CPQ: variants seen among roughly 807,000 people sequenced by gnomAD.
CPQ encodes the protein carboxypeptidase Q, also known as Ser-Met dipeptidase.
Under a neutral mutation model 45.7 loss-of-function variants are expected in CPQ, and 37 were observed. That is an observed-to-expected ratio of 0.81 (90% confidence interval 0.62 to 1.07). The LOEUF is 1.07. CPQ is among the 50% of genes least tolerant of loss of function. CPQ has a pLI of 0.00. For synonymous variants in CPQ, 186 were observed against 205.8 expected, an observed-to-expected ratio of 0.90 and a Z score of 0.82; for missense variants, 537 against 572.9, an observed-to-expected ratio of 0.94 and a Z score of 0.64.
intron 5 of CPQ, among the ~76,000 whole-genome samples, chr8:97,008,986 T>C (rs972259309): frequency 2.0e-5 from 3 of 152,264 alleles, no homozygotes; most frequent in African/African-American, 7.2e-5. Context: ...ACATAATTGT[T>C]TCTTCACTTG....
chr8:96,740,573 C>T (rs1416890286), intron 1 of CPQ, among the ~76,000 whole-genome samples: 15 of 151,426 alleles, frequency 9.9e-5, no homozygotes, highest in Admixed American at 2.6e-4. Flanking sequence ...AGTTTTTGCC[C>T]ATTCAGTATG....
chr8:96,932,613 C>T (rs969098543), intron 4 of CPQ, among the ~76,000 whole-genome samples: 2 of 152,168 alleles, frequency 1.3e-5, no homozygotes, highest in Non-Finnish European at 2.9e-5. Context: ...CCTTTCCAGT[C>T]ATCGTGAATT....
At chr8:96,768,995 T>C (rs901949953) in intron 1 of CPQ, among the ~76,000 whole-genome samples, 3 of 152,184 alleles carry the variant, frequency 2.0e-5, no homozygotes, top group African/African-American at 7.2e-5. Context: ...CTGTAACCCA[T>C]TATTGCTGCA....
chr8:96,903,962 G>A (rs879925123), intron 4 of CPQ, among the ~76,000 whole-genome samples: 4 of 152,130 alleles, frequency 2.6e-5, no homozygotes, highest in Non-Finnish European at 4.4e-5. Flanking sequence ...TTTCCTAGGT[G>A]CCACACTGTT....
chr8:96,841,035 A>G (rs748375938), intron 3 of CPQ, among the ~76,000 whole-genome samples: 2 of 151,842 alleles, frequency 1.3e-5, no homozygotes, highest in Non-Finnish European at 2.9e-5. Context: ...CTCTTTTTTT[A>G]TATACTTTAT....
chr8:96,663,793 C>T (rs914360972), intron 1 of CPQ, among the ~76,000 whole-genome samples: 21 of 151,762 alleles, frequency 1.4e-4, no homozygotes, highest in Admixed American at 3.9e-4. Flanking sequence ...TCTCTGTTGA[C>T]AGAAATGCTC....
rs189850349 is a variant in CPQ at position 97,068,143 on chromosome 8, T to G, written c.1255+1933T>G. Among the ~76,000 whole-genome samples the G allele has an allele frequency of 1.9e-3, 283 of 152,336 alleles. 1 individual carries two copies. Among genetic ancestry groups the G allele is most frequent in the South Asian group, 4.1e-3 (20 of 4,832 alleles). ...TTTTGTTGTGTTTGATCATTGAGAC[T>G]TGGCTCTAGCTTTTTTCCTTCACAT... On this transcript the variant is annotated intron_variant, in intron 7 of 7. Transcript: ENST00000220763.
At chr8:96,964,383 T>G (rs1258300822) in intron 4 of CPQ, among the ~76,000 whole-genome samples, 1 of 152,200 alleles carries the variant, frequency 6.6e-6, no homozygotes, top group Non-Finnish European at 1.5e-5. Context: ...GCATATTTTG[T>G]CTTTTTCATT....
At chr8:96,650,867 A>G (rs1049808484) in intron 1 of CPQ, among the ~76,000 whole-genome samples, 12 of 152,340 alleles carry the variant, frequency 7.9e-5, no homozygotes, top group South Asian at 6.2e-4. Context: ...GGGAGTCCAC[A>G]ATATCCAAAG....
chr8:96,908,031 G>A (rs1417532573), intron 4 of CPQ, among the ~76,000 whole-genome samples: 1 of 151,794 alleles, frequency 6.6e-6, no homozygotes, highest in Non-Finnish European at 1.5e-5. Flanking sequence ...CATTTTTACT[G>A]ATGGTTCCCA....
chr8:96,889,136 G>A (rs540679320), intron 4 of CPQ, among the ~76,000 whole-genome samples: 3 of 152,314 alleles, frequency 2.0e-5, no homozygotes, highest in Non-Finnish European at 4.4e-5. Context: ...GAAGGGCCAG[G>A]GCTTTGTCCT....
intron 1 of CPQ, among the ~76,000 whole-genome samples, chr8:96,746,104 C>T (rs1331024383): frequency 2.6e-5 from 4 of 152,122 alleles, no homozygotes; most frequent in Non-Finnish European, 5.9e-5. Context: ...GTGATGTGTA[C>T]AGGTGGGGAC....
At chr8:97,139,748 A>C (rs1440540328) in intron 7 of CPQ, among the ~76,000 whole-genome samples, 1 of 152,138 alleles carries the variant, frequency 6.6e-6, no homozygotes, top group African/African-American at 2.4e-5. Flanking sequence ...TATTGAGGGA[A>C]GATTATAGCC....
chr8:97,130,709 G>A (rs1811939703), intron 7 of CPQ, among the ~76,000 whole-genome samples: 1 of 152,072 alleles, frequency 6.6e-6, no homozygotes, highest in Non-Finnish European at 1.5e-5. Flanking sequence ...GCAATTAGTG[G>A]ATATTCCTTG....
At chr8:96,816,873 A>G (rs1184858992) in intron 2 of CPQ, among the ~76,000 whole-genome samples, 3 of 152,140 alleles carry the variant, frequency 2.0e-5, no homozygotes, top group African/African-American at 7.2e-5. Flanking sequence ...CATACTGTTT[A>G]ATAAACCATA....
rs1476573295 is a variant in CPQ at position 96,800,553 on chromosome 8, T to C, written c.433+15223T>C. 3.3e-5 allele frequency among the ~76,000 whole-genome samples: 5 copies of C among 152,302 alleles called. No homozygotes were observed. The East Asian group carries it at 9.7e-4, about 29-fold the overall frequency. On this transcript the variant is annotated intron_variant, in intron 2 of 7. Transcript: ENST00000220763. ...AGGATGATTATTATAGCAGTATTTA[T>C]GGGGGCAAGATCTATGTGGGAGAGT...
chr8:97,000,709 C>T (rs960415813), intron 5 of CPQ, among the ~76,000 whole-genome samples: 1 of 152,062 alleles, frequency 6.6e-6, no homozygotes, highest in Admixed American at 6.6e-5. Context: ...TTAGGATTGC[C>T]TTGGCTATTT....
intron 7 of CPQ, among the ~76,000 whole-genome samples, chr8:97,074,368 A>G (rs1181423953): frequency 6.6e-6 from 1 of 152,256 alleles, no homozygotes; most frequent in African/African-American, 2.4e-5. Context: ...TTTTTGGTAT[A>G]GTACCAAGAT....
chr8:96,829,480 G>C lies in CPQ; in HGVS notation c.434-5493G>C, dbSNP rs138201574. Among the ~76,000 whole-genome samples, 467 of 152,170 alleles carry C rather than the reference G, an allele frequency of 3.1e-3. 1 individual carries two copies. Among genetic ancestry groups the C allele is most frequent in the African/African-American group, 0.01 (417 of 41,528 alleles). ...CTGGAATTCACAGAATGAAGATGGA[G>C]GTCCATAAATACCTTGGTTAAAAGT... On this transcript the variant is annotated intron_variant, in intron 2 of 7. Coordinates refer to ENST00000220763, the MANE Select transcript of CPQ (RefSeq NM_016134.4).
Sources: allele counts gnomAD v4.1 joint callset (sites outside exome capture counted in the v4.1 genomes callset), GRCh38; gene constraint gnomAD v4.1.1; transcripts MANE v1.5; gene names NCBI Gene and HGNC (gene_info 2026-07-23, HGNC 2026-07-21).